Variants in KLHL29 observed in about 807,000 individuals in gnomAD.
KLHL29 encodes kelch-like protein 29.
In KLHL29, 21 loss-of-function variants were observed where a neutral mutation model predicts 80.4. That is an observed-to-expected ratio of 0.26 (90% CI 0.19 to 0.38). The LOEUF is 0.38. Ranked by LOEUF, KLHL29 falls within the 10% of genes least tolerant of loss-of-function variation. KLHL29 has a pLI of 1.00. For synonymous variants in KLHL29, 511 were observed against 526.8 expected (o/e 0.97, Z 0.41); for missense variants, 867 against 1,223.9 (o/e 0.71, Z 4.35).
At chr2:23,551,891 C>T (rs1034961220) in intron 2 of KLHL29, among the ~76,000 whole-genome samples, 6 of 152,236 alleles carry the variant, frequency 3.9e-5, no homozygotes, top group East Asian at 1.9e-4. Flanking sequence ...GACTATGGAC[C>T]ACATTTTGAG....
chr2:23,390,033 C>G (rs995912987), intron 1 of KLHL29, among the ~76,000 whole-genome samples: 2 of 152,188 alleles, frequency 1.3e-5, no homozygotes, highest in African/African-American at 4.8e-5. Flanking sequence ...CAGGACCACC[C>G]TGAAAGCAAA....
chr2:23,643,429 A>G (rs998052301), intron 5 of KLHL29: 1 of 175,494 alleles, frequency 5.7e-6, no homozygotes, highest in Admixed American at 5.4e-5. Flanking sequence ...TGGCTTTGTG[A>G]GACCTTGGGA....
chr2:23,559,701 G>A (rs1373182099), intron 2 of KLHL29, among the ~76,000 whole-genome samples: 1 of 152,052 alleles, frequency 6.6e-6, no homozygotes, highest in Non-Finnish European at 1.5e-5. Flanking sequence ...GGAACAGCTG[G>A]GGGAAGGTGT....
At chr2:23,475,270 C>T (rs370563856) in intron 1 of KLHL29, among the ~76,000 whole-genome samples, 44 of 150,280 alleles carry the variant, frequency 2.9e-4, no homozygotes, top group African/African-American at 6.4e-4. Context: ...TGTGTGTATT[C>T]GGAGGATGGG....
At chr2:23,436,035 C>G (rs898349076) in intron 1 of KLHL29, among the ~76,000 whole-genome samples, 11 of 151,974 alleles carry the variant, frequency 7.2e-5, no homozygotes, top group South Asian at 2.1e-4. Context: ...TCTTCTGCCC[C>G]GGGCTTTTCA....
intron 3 of KLHL29, among the ~76,000 whole-genome samples, chr2:23,577,903 C>T (rs1667883642): frequency 6.6e-6 from 1 of 152,176 alleles, no homozygotes; most frequent in Non-Finnish European, 1.5e-5. Context: ...GGCAGATGCT[C>T]ATCCTGTCTC....
intron 1 of KLHL29, among the ~76,000 whole-genome samples, chr2:23,428,106 G>A (rs1184936016): frequency 1.3e-5 from 2 of 152,202 alleles, no homozygotes; most frequent in South Asian, 2.1e-4. Context: ...CACTGCTAAC[G>A]GATTAATGAC....
intron 2 of KLHL29, among the ~76,000 whole-genome samples, chr2:23,534,004 G>A (rs2103479628): frequency 6.6e-6 from 1 of 151,100 alleles, no homozygotes; most frequent in African/African-American, 2.4e-5. Flanking sequence ...GTATGTAATA[G>A]TCCTCCTGAT....
intron 3 of KLHL29, among the ~76,000 whole-genome samples, chr2:23,631,172 GTC>G (rs1352119707): frequency 1.3e-5 from 2 of 152,032 alleles, no homozygotes; most frequent in Non-Finnish European, 2.9e-5. Context: ...CCTGTCCTCT[GTC>G]TCTCGCTCGC....
At chr2:23,422,414 TTGTG>T (rs904042527) in intron 1 of KLHL29, among the ~76,000 whole-genome samples, 2 of 151,612 alleles carry the variant, frequency 1.3e-5, no homozygotes, top group African/African-American at 2.4e-5. Context: ...TGTGTCTGTG[TTGTG>T]TGTGTGCCTG....
At chr2:23,672,059 G>C (rs974214505) in intron 5 of KLHL29, 1 of 152,270 alleles carries the variant, frequency 6.6e-6, no homozygotes, top group South Asian at 2.1e-4. Flanking sequence ...TTATGGCAGA[G>C]CCTGCCCAGG....
At chr2:23,531,595 C>T (rs1187511643) in intron 2 of KLHL29, among the ~76,000 whole-genome samples, 1 of 152,158 alleles carries the variant, frequency 6.6e-6, no homozygotes, top group East Asian at 1.9e-4. Context: ...TTCCCTAGAA[C>T]CAGAGTCACT....
chr2:23,582,581 T>C (rs527304472), intron 3 of KLHL29, among the ~76,000 whole-genome samples: 1 of 152,332 alleles, frequency 6.6e-6, no homozygotes, highest in South Asian at 2.1e-4. Flanking sequence ...ATCTGGTTTA[T>C]AGGCTGAAGA....
Position 23,661,228 on chromosome 2 carries a change from G to A in KLHL29, c.940+18378G>A, listed in dbSNP as rs563572592. 3.3e-5 allele frequency among the ~76,000 whole-genome samples: 5 copies of A among 151,660 alleles called. No homozygotes were observed. The South Asian group carries it at 6.3e-4, about 19-fold the overall frequency. ...ATGGTGGCATGCACTTGTAGTCCCA[G>A]CTATTTGGGAAGCTGAAGTGGAAGT... On this transcript the variant is annotated intron_variant, in intron 5 of 13. Transcript: ENST00000486442.
intron 3 of KLHL29, among the ~76,000 whole-genome samples, chr2:23,599,315 T>G (rs1403233542): frequency 2.6e-5 from 4 of 152,208 alleles, no homozygotes; most frequent in African/African-American, 9.6e-5. Context: ...TACAAGTTGG[T>G]GTAGAAAATG....
At chr2:23,507,013 A>G (rs1558364589) in intron 2 of KLHL29, 1 of 339,694 alleles carries the variant, frequency 2.9e-6, no homozygotes, top group East Asian at 9.0e-5. Context: ...GAGTCTTTTT[A>G]TAGAATGCAG....
At chr2:23,599,236 G>A (rs979170282) in intron 3 of KLHL29, among the ~76,000 whole-genome samples, 1 of 152,130 alleles carries the variant, frequency 6.6e-6, no homozygotes, top group Non-Finnish European at 1.5e-5. Flanking sequence ...CCCCAGCCTT[G>A]CCTAAGTCTC....
At chr2:23,501,362 G>A (rs938355488) in intron 2 of KLHL29, among the ~76,000 whole-genome samples, 6 of 152,016 alleles carry the variant, frequency 3.9e-5, no homozygotes, top group Non-Finnish European at 5.9e-5. Context: ...AGCTGGTCCC[G>A]GGGAAAGAGG....
intron 5 of KLHL29, among the ~76,000 whole-genome samples, chr2:23,676,187 G>GGT (rs1553354211): frequency 3.4e-5 from 5 of 146,670 alleles, no homozygotes; most frequent in Non-Finnish European, 6.1e-5. Context: ...TGGGTTTTTT[G>GGT]TTTTTTTTTT....
Sources: gnomAD v4.1 joint callset for allele counts (sites outside exome capture counted in the v4.1 genomes callset) on GRCh38, gnomAD v4.1.1 for gene constraint, MANE v1.5 for transcripts, NCBI Gene and HGNC (gene_info 2026-07-23, HGNC 2026-07-21) for gene names.